The following SRCAP variants were observed in gnomAD, a reference collection of about 807,000 sequenced individuals.
SRCAP encodes Snf2 related CREBBP activator protein.
Under a neutral mutation model 263.1 loss-of-function variants are expected in SRCAP, and 46 were observed. The ratio of observed to expected loss-of-function variants is 0.17; its 90% confidence interval spans 0.14 to 0.22. SRCAP has a LOEUF of 0.22. Ranked by LOEUF, SRCAP falls within the 10% of genes least tolerant of loss-of-function variation. The pLI, the probability that SRCAP is intolerant of heterozygous loss-of-function variation, is 1.00. For missense variants in SRCAP, 3,695 were observed against 4,181.9 expected (o/e 0.88, Z 3.21); for synonymous variants, 1,813 against 1,662.1 (o/e 1.09, Z -2.21).
At chr16:30,721,628 G>C in intron 21 of SRCAP, 152 bp downstream of exon 21, 14 of 1,130,932 alleles carry the variant, frequency 1.2e-5, no homozygotes, top group Non-Finnish European at 1.5e-5. Flanking sequence ...GTTTGCTTCA[G>C]CCAGGAGTTT....
At chr16:30,713,141 G>T in intron 14 of SRCAP, 67 bp from the exon 15 acceptor site, 1 of 1,512,590 alleles carries the variant, frequency 6.6e-7, no homozygotes. Flanking sequence ...GAGGAGTTTA[G>T]CATGTCTTCC....
Position 30,724,180 on chromosome 16 carries a change from C to T in SRCAP, c.4756C>T (p.Pro1586Ser), listed in dbSNP as rs2053039608. ...TTCTGCATCTCAGGCTCTAGCCACC[C>T]CTCTGGCTCCTATGGCGGCTCCACA... Reference protein sequence around the residue: ...ASSASQALATPLAPMAAPQTA... With the variant: ...ASSASQALATSLAPMAAPQTA... Residue 1586 changes from proline (P) to serine (S), a missense_variant, in exon 25 of 34, where the codon CCT (proline) becomes TCT (serine). Around this residue, in one of 12 missense-constraint regions of SRCAP, gnomAD observed 1,347 missense variants for 1,304.4 expected, o/e 1.03. Coordinates refer to ENST00000262518, the MANE Select transcript of SRCAP (RefSeq NM_006662.3). 1.2e-6 allele frequency: 2 copies of T among 1,614,150 alleles called. No individual in the cohort carries two copies. Among genetic ancestry groups the T allele is most frequent in the Non-Finnish European group, 1.7e-6 (2 of 1,180,024 alleles).
Position 30,713,501 on chromosome 16 carries a change from C to G in SRCAP, c.2301-18C>G, listed in dbSNP as rs771756691. The G allele has an allele frequency of 6.2e-7, 1 of 1,613,630 alleles. No individual in the cohort carries two copies. Among genetic ancestry groups the G allele is most frequent in the Non-Finnish European group, 8.5e-7 (1 of 1,179,698 alleles). On this transcript the variant is annotated intron_variant, in intron 15 of 33. Transcript: ENST00000262518. ...CTTGCTGACCATACTCTCTCTGATT[C>G]TCTCTGTCTCTTTGCAGCCAGAGAC... is the stretch of plus-strand genomic sequence containing the variant.
At chr16:30,706,065 G>A (rs1352752723) in intron 4 of SRCAP, among the ~76,000 whole-genome samples, 1 of 152,164 alleles carries the variant, frequency 6.6e-6, no homozygotes, top group Middle Eastern at 3.2e-3. Context: ...TAATATCCAC[G>A]TCTTTCTTGA....
rs773512734 is a variant in SRCAP, at chr16:30,738,841, T to G, written c.8801T>G (p.Val2934Gly). The change falls in exon 34 of 34, where the codon GTG (valine) becomes GGG (glycine). Residue 2934 changes from valine to glycine, a missense_variant. Physicochemically the swap from Val to Gly is moderately radical, Grantham distance 109. Transcript: ENST00000262518. ...AGACCCAATCCCCTCCTGTCACCTG[T>G]GGAGAAAAGAAGGCGAGGACGACCC... ...VHRPNPLLSP[V>G]EKRRRGRPPK... 1 of 1,613,998 alleles carries G rather than the reference T, an allele frequency of 6.2e-7. No homozygotes were observed. The highest frequency in any genetic ancestry group is 1.1e-5 in the South Asian group (1 of 91,070).
Position 30,723,776 on chromosome 16 carries a change from C to T in SRCAP, c.4352C>T (p.Ala1451Val). 1 of 1,614,104 alleles carries T rather than the reference C, an allele frequency of 6.2e-7. No homozygotes were observed. Among genetic ancestry groups the T allele is most frequent in the Non-Finnish European group, 8.5e-7 (1 of 1,180,018 alleles). ...GTCCCCACCACACTTCCTGCCCCAG[C>T]CTCGGCTCCACTCACCATCCCCATC... ...ISVPTTLPAP[A>V]SAPLTIPISA... is the part of the protein sequence containing the mutation. Residue 1451 changes from alanine to valine, a missense_variant, in exon 25 of 34, where the codon GCC (alanine) becomes GTC (valine). Coordinates refer to ENST00000262518, the MANE Select transcript of SRCAP (RefSeq NM_006662.3).
rs745546363 is a variant in SRCAP, at chr16:30,736,556, C to T, written c.6940C>T (p.Arg2314Cys). 80 of 1,613,986 alleles carry T rather than the reference C, an allele frequency of 5.0e-5. No individual in the cohort carries two copies. The East Asian group carries it at 1.5e-3, about 30-fold the overall frequency. The change falls in exon 33 of 34, where the codon CGC becomes TGC. Residue 2314 changes from arginine to cysteine, a missense_variant. Physicochemically the swap from Arg to Cys is radical, Grantham distance 180 (BLOSUM62 -3). Around this residue, in one of 12 missense-constraint regions of SRCAP, gnomAD observed 91 missense variants for 150.6 expected, o/e 0.60. Transcript: ENST00000262518. ...ALVEQLTPIE[R>C]YAMKFLEASL... The stretch of plus-strand genomic sequence containing the variant: ...CTCCTTGCAGCTGACCCCCATTGAG[C>T]GCTATGCCATGAAATTCCTGGAGGC...
At chr16:30,721,875 T>C (rs1338509524) in intron 21 of SRCAP, among the ~76,000 whole-genome samples, 1 of 148,774 alleles carries the variant, frequency 6.7e-6, no homozygotes, top group Admixed American at 6.6e-5. Flanking sequence ...GGTGATTAGC[T>C]CAGTCTGGTG....
rs763783084 is a variant in SRCAP, at chr16:30,739,571, A to C, written c.9531A>C (p.Ser3177=). 4.4e-6 allele frequency: 7 copies of C among 1,605,766 alleles called. No homozygotes were observed. The highest frequency in any genetic ancestry group is 2.3e-5 in the East Asian group (1 of 44,436). Residue 3177 remains serine (S), a synonymous_variant, in exon 34 of 34, where the codon TCA becomes TCC. Coordinates refer to ENST00000262518, the MANE Select transcript of SRCAP (RefSeq NM_006662.3). ...TAGAGGAGTCTGAGGCTGAAGCCTC[A>C]GGTGAGGAGGAGGAAGGGGATGGGA... ...GSVEESEAEA[S]GEEEEGDGTP...
chr16:30,718,919 CAG>C (rs1172636356), intron 18 of SRCAP, among the ~76,000 whole-genome samples: 1 of 147,764 alleles, frequency 6.8e-6, no homozygotes, highest in East Asian at 2.0e-4. Flanking sequence ...TTTTTTGATA[CAG>C]AGTCTTACTC....
intron 31 of SRCAP, 84 bp from the exon 32 acceptor site, chr16:30,736,116 T>A: frequency 6.5e-7 from 1 of 1,547,888 alleles, no homozygotes; most frequent in Non-Finnish European, 8.8e-7. Flanking sequence ...GTACGCTTGG[T>A]CTCAAGTTCT....
intron 3 of SRCAP, among the ~76,000 whole-genome samples, chr16:30,702,233 T>G (rs1010711760): frequency 1.3e-5 from 2 of 151,708 alleles, no homozygotes; most frequent in Admixed American, 6.6e-5. Context: ...GAATGACAGG[T>G]GTGAACCACC....
At chr16:30,699,568 G>T in intron 1 of SRCAP, among the ~76,000 whole-genome samples, 1 of 152,104 alleles carries the variant, frequency 6.6e-6, no homozygotes, top group Non-Finnish European at 1.5e-5. Flanking sequence ...TCACTTCTGC[G>T]TTCAGCCCTC....
At chr16:30,721,115 G>C in intron 20 of SRCAP, 74 bp from the exon 21 acceptor site, 1 of 1,544,368 alleles carries the variant, frequency 6.5e-7, no homozygotes, top group Non-Finnish European at 8.7e-7. Context: ...TTGGAAGGGA[G>C]TATGGAGGCT....
chr16:30,733,828 TC>T lies in SRCAP; in HGVS notation c.6494+32del. 1 of 1,611,612 alleles carries T rather than the reference TC, an allele frequency of 6.2e-7. No homozygotes were observed. Among genetic ancestry groups the T allele is most frequent in the Non-Finnish European group, 8.5e-7 (1 of 1,178,270 alleles). ...TGCCTAGTCTTCCCTCACCTTACTT[TC>T]CGTTTACTGATGGGGTTTCCTGGAT... On this transcript the variant is annotated intron_variant, in intron 29 of 33. Transcript: ENST00000262518. This position sits in a 1 kb window ranked among gnomAD's most constrained non-coding sequence, Gnocchi z 5.3.
intron 30 of SRCAP, chr16:30,734,210 G>T (rs901411672): frequency 1.6e-6 from 1 of 623,782 alleles, no homozygotes; most frequent in Admixed American, 3.1e-5. Context: ...GGGCATGGTG[G>T]TGGGCGCCTG....
intron 8 of SRCAP, 173 bp from the exon 9 acceptor site, chr16:30,710,581 T>C: frequency 2.4e-6 from 2 of 816,566 alleles, no homozygotes; most frequent in Non-Finnish European, 4.3e-6. Flanking sequence ...GGCCAGGATT[T>C]GGTAGCTGGT....
At chr16:30,720,461 G>T in intron 19 of SRCAP, 130 bp downstream of exon 19, 2 of 1,171,628 alleles carry the variant, frequency 1.7e-6, no homozygotes, top group Admixed American at 2.4e-5. Context: ...GTGCAAACGT[G>T]GAGGGAATCA....
intron 16 of SRCAP, among the ~76,000 whole-genome samples, chr16:30,714,317 G>A (rs925425238): frequency 2.7e-5 from 4 of 150,900 alleles, no homozygotes; most frequent in Non-Finnish European, 5.9e-5. Flanking sequence ...GCCTGCCTCG[G>A]CCTCCCAAAG....
Sources: gnomAD v4.1 joint callset for allele counts (sites outside exome capture counted in the v4.1 genomes callset) on GRCh38, gnomAD v4.1.1 for gene constraint, gnomAD v4.1.1 regional missense constraint, Gnocchi (gnomAD v3.1) non-coding constraint, MANE v1.5 for transcripts, NCBI Gene and HGNC (gene_info 2026-07-23, HGNC 2026-07-21) for gene names.